Variants in CACNA2D3 observed in about 807,000 individuals in gnomAD.
CACNA2D3 encodes the protein calcium voltage-gated channel auxiliary subunit alpha2delta 3.
CACNA2D3 carries 60 observed loss-of-function variants against 160.6 expected under a neutral mutation model. The observed-to-expected ratio is 0.37, with a 90% CI of 0.30 to 0.46. The LOEUF (loss-of-function observed/expected upper bound fraction) is 0.46, where lower values mean the gene tolerates loss of function less well. Ranked by LOEUF, CACNA2D3 falls within the 20% of genes least tolerant of loss-of-function variation. The pLI is 1.00. For missense variants in CACNA2D3, 1,205 were observed against 1,365.0 expected (o/e 0.88, Z 1.85); for synonymous variants, 558 against 492.9 (o/e 1.13, Z -1.75).
chr3:54,352,824 T>A (rs1698586859), intron 3 of CACNA2D3, among the ~76,000 whole-genome samples: 1 of 152,262 alleles, frequency 6.6e-6, no homozygotes, highest in African/African-American at 2.4e-5. Context: ...TGATAAGTTC[T>A]GACCAATAAA....
intron 4 of CACNA2D3, among the ~76,000 whole-genome samples, chr3:54,456,994 T>C (rs1204909855): frequency 6.6e-6 from 1 of 151,892 alleles, no homozygotes; most frequent in East Asian, 1.9e-4. Context: ...TTTTAATTAG[T>C]CTACCTAATG....
chr3:54,284,516 A>T (rs772546209), intron 2 of CACNA2D3, among the ~76,000 whole-genome samples: 6 of 152,164 alleles, frequency 3.9e-5, no homozygotes, highest in Non-Finnish European at 5.9e-5. Context: ...GCTTTTCTGT[A>T]AATCTAGAAT....
chr3:54,808,912 C>G (rs754679960), intron 13 of CACNA2D3, among the ~76,000 whole-genome samples: 1 of 152,228 alleles, frequency 6.6e-6, no homozygotes, highest in Middle Eastern at 3.4e-3. Flanking sequence ...GGAGCCAGCC[C>G]TAAGTACTCT....
chr3:54,776,109 TCTAG>T (rs555550686), intron 13 of CACNA2D3, among the ~76,000 whole-genome samples: 2 of 152,230 alleles, frequency 1.3e-5, no homozygotes, highest in Non-Finnish European at 2.9e-5. Context: ...CACAACTCAC[TCTAG>T]CCCATGGTTC....
chr3:54,562,777 C>CT, intron 5 of CACNA2D3, 23 bp from the exon 6 acceptor site: 2 of 1,604,338 alleles, frequency 1.2e-6, no homozygotes, highest in South Asian at 2.2e-5. Flanking sequence ...ATACACCCCT[C>CT]TCTCTCTCTT....
chr3:54,699,441 T>C (rs964006161), intron 11 of CACNA2D3, among the ~76,000 whole-genome samples: 7 of 151,974 alleles, frequency 4.6e-5, no homozygotes, highest in Non-Finnish European at 7.4e-5. Flanking sequence ...ACAGCCTGCT[T>C]CCCCCCAGTC....
At position 55,073,425 on chromosome 3, in the gene CACNA2D3, G is replaced by A. The variant is rs376833469; in HGVS notation, c.2988-20G>A. On this transcript the variant is annotated intron_variant, in intron 35 of 37. Coordinates refer to ENST00000474759, the MANE Select transcript of CACNA2D3 (RefSeq NM_018398.3). ...TTGACGGATGGTAAATGACTGCCTCGCTACCTCTTGTTCCAACAGGTCCTT... is the reference window on the plus strand; with the variant it reads ...TTGACGGATGGTAAATGACTGCCTCACTACCTCTTGTTCCAACAGGTCCTT... 40 of 1,574,250 alleles carry A rather than the reference G, an allele frequency of 2.5e-5. No individual in the cohort carries two copies. The highest frequency in any genetic ancestry group is 3.3e-4 in the Middle Eastern group (2 of 5,986).
At chr3:54,821,641 G>GTTCTTTCTTTCTTTTTCTTTCTTTCT (rs1553873527) in intron 14 of CACNA2D3, among the ~76,000 whole-genome samples, 8 of 107,830 alleles carry the variant, frequency 7.4e-5, no homozygotes, top group Admixed American at 1.9e-4. Flanking sequence ...AGAGTCTTTC[G>GTTCTTTCTTTCTTTTTCTTTCTTTCT]TTCTTTCTTT....
intron 11 of CACNA2D3, among the ~76,000 whole-genome samples, chr3:54,646,982 G>A (rs977361889): frequency 2.6e-5 from 4 of 152,154 alleles, no homozygotes; most frequent in African/African-American, 4.8e-5. Flanking sequence ...GAAACTACAG[G>A]CAGCCTTGAA....
intron 11 of CACNA2D3, among the ~76,000 whole-genome samples, chr3:54,736,108 T>TAC (rs1491284250): frequency 5.0e-5 from 1 of 19,840 alleles, no homozygotes; most frequent in African/African-American, 1.5e-4. Flanking sequence ...TACATATATA[T>TAC]GTATATATAT....
At chr3:54,456,040 T>C (rs55986961) in intron 4 of CACNA2D3, among the ~76,000 whole-genome samples, 6,311 of 152,258 alleles carry the variant, frequency 0.041, 458 homozygotes, top group African/African-American at 0.14. Context: ...CAGACTCTTA[T>C]ATGGTTCTAT....
rs1471831988 is a variant in CACNA2D3 at position 54,736,072 on chromosome 3, TAC to T, written c.1168-16525_1168-16524del. On this transcript the variant is annotated intron_variant, in intron 11 of 37. Coordinates refer to ENST00000474759, the MANE Select transcript of CACNA2D3 (RefSeq NM_018398.3). ...ACATACATATGTATGTATATATATA[TAC>T]ATATATATGTATGTGTATATATATA... is the stretch of plus-strand genomic sequence containing the variant. Among the ~76,000 whole-genome samples the T allele has an allele frequency of 2.7e-4, 7 of 26,170 alleles. 1 individual carries two copies. The highest frequency in any genetic ancestry group is 4.7e-4 in the Non-Finnish European group (4 of 8,576). The allele number at this position is 26,170 out of a possible 152,430, so 17.2% of individuals were successfully genotyped here. A position where few individuals can be genotyped will look rare whatever the true frequency, so the allele number is the denominator to read the frequency against.
chr3:54,310,205 C>A (rs903958647), intron 2 of CACNA2D3, among the ~76,000 whole-genome samples: 7 of 152,076 alleles, frequency 4.6e-5, no homozygotes, highest in African/African-American at 1.7e-4. Context: ...TCTTTTGTGG[C>A]TGAGAGTTCC....
intron 4 of CACNA2D3, among the ~76,000 whole-genome samples, chr3:54,431,850 C>T (rs942882617): frequency 6.6e-6 from 1 of 152,158 alleles, no homozygotes; most frequent in Non-Finnish European, 1.5e-5. Context: ...TCAAGTGAAC[C>T]ACCTGCCTCA....
At chr3:55,031,284 A>G (rs762187719) in intron 35 of CACNA2D3, among the ~76,000 whole-genome samples, 12 of 152,124 alleles carry the variant, frequency 7.9e-5, no homozygotes, top group South Asian at 2.1e-4. Flanking sequence ...GCTGTGCCCA[A>G]TACTGCACCT....
intron 2 of CACNA2D3, among the ~76,000 whole-genome samples, chr3:54,277,599 T>C (rs1389155904): frequency 6.6e-6 from 1 of 152,218 alleles, no homozygotes; most frequent in African/African-American, 2.4e-5. Flanking sequence ...TAGGATTGCC[T>C]TGGCTCTACG....
At chr3:54,297,145 C>A (rs548519818) in intron 2 of CACNA2D3, among the ~76,000 whole-genome samples, 1 of 152,316 alleles carries the variant, frequency 6.6e-6, no homozygotes, top group African/African-American at 2.4e-5. Flanking sequence ...TTCTACAAGC[C>A]AGCTCTGTGA....
rs1699738420 is a variant in CACNA2D3, at chr3:54,879,330, T to C, written c.1783-20T>C. 2.8e-6 allele frequency: 4 copies of C among 1,420,616 alleles called. No homozygotes were observed. Among genetic ancestry groups the C allele is most frequent in the Admixed American group, 2.1e-5 (1 of 46,516 alleles). The allele number at this position is 1,420,616 out of a possible 1,614,324, so 88.0% of individuals were successfully genotyped here. ...CCATGTTTTCTTTTCTCTACGACTTTTTTTTTTTTTTCAATCTAGAAACGG... is the reference window on the plus strand; with the variant it reads ...CCATGTTTTCTTTTCTCTACGACTTCTTTTTTTTTTTCAATCTAGAAACGG... On this transcript the variant is annotated intron_variant, in intron 19 of 37. Transcript: ENST00000474759.
intron 13 of CACNA2D3, among the ~76,000 whole-genome samples, chr3:54,808,060 TGGGGGGA>T (rs1703180649): frequency 1.7e-5 from 1 of 59,258 alleles, no homozygotes; most frequent in Non-Finnish European, 3.0e-5. Flanking sequence ...TGTTGTGGGG[TGGGGGGA>T]GGGGGGAGGG....
Sources: allele counts gnomAD v4.1 joint callset (sites outside exome capture counted in the v4.1 genomes callset), GRCh38; gene constraint gnomAD v4.1.1; transcripts MANE v1.5; gene names NCBI Gene and HGNC (gene_info 2026-07-23, HGNC 2026-07-21).